Variants in ZNF560 observed in about 807,000 individuals in gnomAD.
ZNF560 encodes zinc finger protein 560.
Under a neutral mutation model 81.8 loss-of-function variants are expected in ZNF560, and 54 were observed. That is an observed-to-expected ratio of 0.66 (90% CI 0.53 to 0.83). The LOEUF (loss-of-function observed/expected upper bound fraction) is 0.83. Among genes scored for constraint, ZNF560 ranks in the 40% least tolerant of loss-of-function variants. The pLI is 0.00. For missense variants in ZNF560, 940 were observed against 932.4 expected, an observed-to-expected ratio of 1.01 and a Z score of -0.11; for synonymous variants, 321 against 317.9, an observed-to-expected ratio of 1.01 and a Z score of -0.10.
chr19:9,487,612 G>T (rs762611243), intron 2 of ZNF560, among the ~76,000 whole-genome samples: 6 of 152,214 alleles, frequency 3.9e-5, no homozygotes, highest in Non-Finnish European at 8.8e-5. Context: ...CAAGCATGTA[G>T]GGAGCTAAGA....
intron 8 of ZNF560, 48 bp downstream of exon 8, chr19:9,469,582 G>A (rs780682154): frequency 5.8e-6 from 9 of 1,543,914 alleles, no homozygotes; most frequent in South Asian, 3.3e-5. Context: ...GCTTCCAAAC[G>A]TACTGAGAAC....
chr19:9,464,103 A>G (rs541154713), downstream of ZNF560, among the ~76,000 whole-genome samples: 1 of 152,284 alleles, frequency 6.6e-6, no homozygotes, highest in East Asian at 1.9e-4. Flanking sequence ...TATAACAGAA[A>G]TATTTAAATT....
chr19:9,468,206 A>G lies in ZNF560; in HGVS notation c.741T>C (p.Tyr247=), dbSNP rs991122657. 9.9e-6 allele frequency: 16 copies of G among 1,614,094 alleles called. No homozygotes were observed. The highest frequency in any genetic ancestry group is 1.2e-5 in the Non-Finnish European group (14 of 1,180,032). ...TGTATAGAGAAAGGAGGTCTTTTGC[A>G]TACTGAATACATTCAGACGTGTTGC... The part of the protein sequence containing the change: ...NRGNTSECIQ[Y]AKDLLSLYNK... The change falls in exon 10 of 10, where the codon TAT becomes TAC. Residue 247 remains tyrosine, a synonymous_variant. Transcript: ENST00000301480.
downstream of ZNF560, among the ~76,000 whole-genome samples, chr19:9,462,037 G>A (rs930166630): frequency 1.1e-4 from 17 of 152,156 alleles, no homozygotes; most frequent in African/African-American, 2.4e-4. Flanking sequence ...CTGCAGATGC[G>A]GATCCTGACT....
At chr19:9,449,062 G>A in the ZNF560 span, among the ~76,000 whole-genome samples, 33 of 152,340 alleles carry the variant, frequency 2.2e-4, no homozygotes, top group African/African-American at 7.5e-4. Context: ...AATAGTGGCA[G>A]ACTTCAACAC....
In ZNF560 at chr19:9,467,555, T is replaced by C. The variant is rs774329000; in HGVS notation, c.1392A>G (p.Glu464=). The change falls in exon 10 of 10, where the codon GAA becomes GAG. Residue 464 remains glutamate, a synonymous_variant. Coordinates refer to ENST00000301480, the MANE Select transcript of ZNF560 (RefSeq NM_152476.3). ...HNGEKPYEHK[E]YGKAFGTSSG... ...AGGATGTACCAAAGGCCTTCCCATA[T>C]TCCTTATGCTCATATGGCTTCTCTC... is the stretch of plus-strand genomic sequence containing the variant. 3 of 1,614,190 alleles carry C rather than the reference T, an allele frequency of 1.9e-6. No homozygotes were observed. The Admixed American group carries it at 5.0e-5, about 27-fold the overall frequency.
Position 9,474,314 on chromosome 19 carries a change from G to A in ZNF560, c.42C>T (p.Thr14=), listed in dbSNP as rs138530013. ...TGAAGTCCACAGCTGTATCCTCAAA[G>A]GTCACGGAGTACTAAACCATCACAT... ...CLTNCYQYSV[T]FEDTAVDFTQ... The change falls in exon 4 of 10, where the codon ACC becomes ACT. Residue 14 remains threonine (T), a synonymous_variant. Transcript: ENST00000301480. 383 of 1,613,204 alleles carry A rather than the reference G, an allele frequency of 2.4e-4. 1 individual carries two copies. Among genetic ancestry groups the A allele is most frequent in the Non-Finnish European group, 3.1e-4 (361 of 1,179,550 alleles).
chr19:9,495,288 C>T (rs2073540345), intron 2 of ZNF560, among the ~76,000 whole-genome samples: 1 of 152,130 alleles, frequency 6.6e-6, no homozygotes, highest in African/African-American at 2.4e-5. Flanking sequence ...ATTACTGCCA[C>T]AGGCTGGAGT....
At position 9,468,880 on chromosome 19, in the gene ZNF560, C is replaced by CCA. The variant is rs988633468; in HGVS notation, c.612+223_612+224dup. ...AAGTAGCTGGGACTACAGGTACACA[C>CCA]CACTATGCCCAGCTAATTTTTGTAT... On this transcript the variant is annotated intron_variant, in intron 9 of 9. Transcript: ENST00000301480. Among the ~76,000 whole-genome samples the CCA allele has an allele frequency of 1.5e-3, 228 of 152,214 alleles. 1 individual carries two copies. The highest frequency in any genetic ancestry group is 5.3e-3 in the African/African-American group (220 of 41,552).
chr19:9,499,505 T>C, upstream of ZNF560, among the ~76,000 whole-genome samples: 1 of 152,110 alleles, frequency 6.6e-6, no homozygotes, highest in Non-Finnish European at 1.5e-5. Context: ...GGCCTTATTG[T>C]ATTTTTTTTT....
At chr19:9,452,132 A>G in the ZNF560 span, among the ~76,000 whole-genome samples, 1 of 152,184 alleles carries the variant, frequency 6.6e-6, no homozygotes, top group Admixed American at 6.5e-5. Context: ...AGTTCTCAAA[A>G]GAAGACATAC....
chr19:9,466,730 G>T lies in ZNF560; in HGVS notation c.2217C>A (p.Pro739=). 1 of 1,614,108 alleles carries T rather than the reference G, an allele frequency of 6.2e-7. No homozygotes were observed. Among genetic ancestry groups the T allele is most frequent in the African/African-American group, 1.3e-5 (1 of 75,018 alleles). ...CCTTCCCACATTCCTTACATTTATAGGGCTTCTCTCCAGTGTGAATTCGCA... is the reference window on the plus strand; with the variant it reads ...CCTTCCCACATTCCTTACATTTATATGGCTTCTCTCCAGTGTGAATTCGCA... ...NHVRIHTGEK[P]YKCKECGKAF... is the part of the protein sequence containing the mutation. Residue 739 remains proline (P), a synonymous_variant, in exon 10 of 10, where the codon CCC becomes CCA. Transcript: ENST00000301480.
At chr19:9,478,219 C>T (rs2073232717) in intron 2 of ZNF560, among the ~76,000 whole-genome samples, 1 of 151,988 alleles carries the variant, frequency 6.6e-6, no homozygotes, top group African/African-American at 2.4e-5. Flanking sequence ...ACCTTACAGG[C>T]CAGGAGAGAA....
Position 9,467,929 on chromosome 19 carries a change from C to A in ZNF560, c.1018G>T (p.Glu340Ter). 6.2e-7 allele frequency: 1 copy of A among 1,614,134 alleles called. No homozygotes were observed. Among genetic ancestry groups the A allele is most frequent in the Non-Finnish European group, 8.5e-7 (1 of 1,180,016 alleles). Residue 340 changes from glutamate (E) to a stop codon, truncating the protein, a stop_gained, in exon 10 of 10, where the codon GAA (glutamate) becomes TAA (stop). Transcript: ENST00000301480. LOFTEE classifies it high-confidence loss of function. ...THSTSHAVNVETHIIKNPYEC... is the reference protein window; with the variant it reads ...THSTSHAVNV ...TAGGGGTTTTTAATAATGTGTGTTT[C>A]AACATTTACAGCATGGCTTGTGGAG...
intron 5 of ZNF560, 126 bp from the exon 6 acceptor site, chr19:9,471,504 A>AT (rs5827061): frequency 0.097 from 65,333 of 676,728 alleles, 5,349 homozygotes; most frequent in African/African-American, 0.31. Flanking sequence ...AGAAAGCTAA[A>AT]TTGAACATTT....
chr19:9,467,807 G>C lies in ZNF560; in HGVS notation c.1140C>G (p.His380Gln). The C allele has an allele frequency of 6.2e-7, 1 of 1,614,180 alleles. No individual in the cohort carries two copies. The highest frequency in any genetic ancestry group is 1.7e-5 in the Admixed American group (1 of 60,020). Residue 380 changes from histidine (H) to glutamine (Q), a missense_variant, in exon 10 of 10, where the codon CAC (histidine) becomes CAG (glutamine). His to Gln is a conservative substitution (Grantham distance 24). Coordinates refer to ENST00000301480, the MANE Select transcript of ZNF560 (RefSeq NM_152476.3). ...ACGGCACAGTGAAGGTTTTGCCACA[G>C]TGCTTACATTTATAAGGTTTTATCC... ...HIGIKPYKCK[H>Q]CGKTFTVPSG...
At chr19:9,482,788 G>A (rs1316778121) in intron 2 of ZNF560, among the ~76,000 whole-genome samples, 2 of 152,068 alleles carry the variant, frequency 1.3e-5, no homozygotes, top group African/African-American at 2.4e-5. Context: ...TCAGCCTGCC[G>A]AGTGCCTGCA....
chr19:9,447,129 G>A, the ZNF560 span, among the ~76,000 whole-genome samples: 14 of 106,594 alleles, frequency 1.3e-4, no homozygotes, highest in South Asian at 3.2e-4. Flanking sequence ...GCGAGACTCC[G>A]TCACAAAAAA....
In ZNF560 at chr19:9,468,153, G is replaced by C. The variant is rs200209391; in HGVS notation, c.794C>G (p.Ser265Cys). The change falls in exon 10 of 10, where the codon TCT becomes TGT. Residue 265 changes from serine to cysteine, a missense_variant. Coordinates refer to ENST00000301480, the MANE Select transcript of ZNF560 (RefSeq NM_152476.3). ...AGATTTTCCATGCTTACTGAACACA[G>C]AAACTTTCCTTATGGTAGAGGTTTT... The part of the protein sequence containing the change: ...YNKTSTIRKV[S>C]VFSKHGKSFR... 2.5e-6 allele frequency: 4 copies of C among 1,614,092 alleles called. No individual in the cohort carries two copies. The Admixed American group carries it at 5.0e-5, about 20-fold the overall frequency.
Sources: allele counts gnomAD v4.1 joint callset (sites outside exome capture counted in the v4.1 genomes callset), GRCh38; gene constraint gnomAD v4.1.1; transcripts MANE v1.5; gene names NCBI Gene and HGNC (gene_info 2026-07-23, HGNC 2026-07-21).